TACR3: variants seen among roughly 807,000 people sequenced by gnomAD.
TACR3 encodes the protein neuromedin-K receptor.
Under a neutral mutation model 35.0 loss-of-function variants are expected in TACR3, and 34 were observed. The observed-to-expected ratio is 0.97, with a 90% CI of 0.74 to 1.30. TACR3 has a LOEUF of 1.30. TACR3 is among the 50% of genes most tolerant of loss of function. The pLI is 0.00. For synonymous variants in TACR3, 233 were observed against 221.1 expected (o/e 1.05, Z -0.48); for missense variants, 558 against 591.7 (o/e 0.94, Z 0.59).
At chr4:103,703,844 T>A (rs1722720931) in intron 1 of TACR3, among the ~76,000 whole-genome samples, 1 of 151,936 alleles carries the variant, frequency 6.6e-6, no homozygotes, top group Non-Finnish European at 1.5e-5. Context: ...CTCACGCCTG[T>A]AATCCCAGCA....
At chr4:103,638,074 A>G (rs911730070) in intron 3 of TACR3, among the ~76,000 whole-genome samples, 1 of 152,220 alleles carries the variant, frequency 6.6e-6, no homozygotes, top group Non-Finnish European at 1.5e-5. Context: ...TTCTTCACAG[A>G]ATTGGAAAAA....
rs1337612543 is a variant in TACR3, at chr4:103,650,534, T to TATAAATATATAAAATAAATTTAATAAA, written c.888+5633_888+5659dup. On this transcript the variant is annotated intron_variant, in intron 3 of 4. Transcript: ENST00000304883. ...TATATATAAATATGTATTATTTATA[T>TATAAATATATAAAATAAATTTAATAAA]ATAAATATATAAAATAAATTTAATA... Among the ~76,000 whole-genome samples the TATAAATATATAAAATAAATTTAATAAA allele has an allele frequency of 9.7e-4, 124 of 127,674 alleles. 1 individual carries two copies. The highest frequency in any genetic ancestry group is 1.6e-3 in the Non-Finnish European group (99 of 62,918). 83.8% of individuals were successfully genotyped at this position (127,674 alleles called of 152,430 possible). A position where few individuals can be genotyped will look rare whatever the true frequency, so the allele number is the denominator to read the frequency against.
At chr4:103,643,005 A>G (rs1483936697) in intron 3 of TACR3, among the ~76,000 whole-genome samples, 1 of 151,836 alleles carries the variant, frequency 6.6e-6, no homozygotes, top group African/African-American at 2.4e-5. Flanking sequence ...GTTAAAATTA[A>G]TGGCACTTTC....
chr4:103,675,864 G>A (rs1290988227), intron 1 of TACR3, among the ~76,000 whole-genome samples: 5 of 152,054 alleles, frequency 3.3e-5, no homozygotes, highest in Non-Finnish European at 4.4e-5. Flanking sequence ...GAGGGGAGGG[G>A]GCAGAGAAAA....
chr4:103,694,667 TTATAA>T (rs1185080036), intron 1 of TACR3, among the ~76,000 whole-genome samples: 2 of 152,198 alleles, frequency 1.3e-5, no homozygotes, highest in Non-Finnish European at 2.9e-5. Context: ...TTGCTTTTGA[TTATAA>T]TATATGAAAG....
intron 1 of TACR3, among the ~76,000 whole-genome samples, chr4:103,717,204 T>C (rs1219764171): frequency 6.6e-6 from 1 of 152,128 alleles, no homozygotes; most frequent in East Asian, 1.9e-4. Flanking sequence ...AAAACTATTT[T>C]AAACAAGATT....
rs1004930872 is a variant in TACR3 at position 103,666,494 on chromosome 4, A to T, written c.549-8091T>A. The stretch of plus-strand genomic sequence containing the variant: ...CATTAATATATTGATTATAAATATA[A>T]ATTTTCTATTTTAACAATAAAAGTA... On this transcript the variant is annotated intron_variant, in intron 1 of 4. Coordinates refer to ENST00000304883, the MANE Select transcript of TACR3 (RefSeq NM_001059.3). Among the ~76,000 whole-genome samples the T allele has an allele frequency of 2.6e-5, 4 of 152,174 alleles. No individual in the cohort carries two copies. The East Asian group carries it at 7.7e-4, about 29-fold the overall frequency.
At chr4:103,682,433 A>T (rs1722120653) in intron 1 of TACR3, among the ~76,000 whole-genome samples, 1 of 152,152 alleles carries the variant, frequency 6.6e-6, no homozygotes, top group African/African-American at 2.4e-5. Context: ...GCAGCAGGCA[A>T]GAGAGACTGA....
At chr4:103,598,457 C>A (rs1055516453) in intron 3 of TACR3, among the ~76,000 whole-genome samples, 3 of 152,156 alleles carry the variant, frequency 2.0e-5, no homozygotes, top group South Asian at 2.1e-4. Flanking sequence ...CTTTAGATTA[C>A]TTAGATCCCA....
chr4:103,635,724 A>C (rs1725172769), intron 3 of TACR3, among the ~76,000 whole-genome samples: 1 of 152,028 alleles, frequency 6.6e-6, no homozygotes, highest in Non-Finnish European at 1.5e-5. Context: ...TGTTGAGTAA[A>C]TATTTGATGA....
chr4:103,589,498 G>A lies in TACR3; in HGVS notation c.*184C>T, dbSNP rs947719421. 2.1e-5 allele frequency: 13 copies of A among 618,412 alleles called. No homozygotes were observed. Among genetic ancestry groups the A allele is most frequent in the Non-Finnish European group, 3.6e-5 (13 of 361,100 alleles). 38.3% of individuals were successfully genotyped at this position (618,412 alleles called of 1,614,324 possible). A position where few individuals can be genotyped will look rare whatever the true frequency, so the allele number is the denominator to read the frequency against. On this transcript the variant is annotated 3_prime_UTR_variant, in exon 5 of 5. Coordinates refer to ENST00000304883, the MANE Select transcript of TACR3 (RefSeq NM_001059.3). ...TAAAGCCCATTTTATTTTGGGTGGAGGCTAACATGTTATTAGTGTCTTTGT... is the reference window on the plus strand; with the variant it reads ...TAAAGCCCATTTTATTTTGGGTGGAAGCTAACATGTTATTAGTGTCTTTGT...
At chr4:103,614,884 G>GTTTGT (rs1724601485) in intron 3 of TACR3, among the ~76,000 whole-genome samples, 6 of 72,060 alleles carry the variant, frequency 8.3e-5, no homozygotes, top group African/African-American at 3.6e-4. Flanking sequence ...TTATGAATGT[G>GTTTGT]TTTTTTTTTT....
At chr4:103,604,995 A>G (rs1235265743) in intron 3 of TACR3, among the ~76,000 whole-genome samples, 6 of 117,438 alleles carry the variant, frequency 5.1e-5, no homozygotes, top group Admixed American at 9.8e-5. Context: ...CCCACCCCAC[A>G]ACAGTCCCCA....
rs77772000 is a variant in TACR3, at chr4:103,608,169, C to T, written c.889-16486G>A. 6.0e-3 allele frequency among the ~76,000 whole-genome samples: 911 copies of T among 152,014 alleles called. 11 individuals are homozygous for T. The highest frequency in any genetic ancestry group is 0.02 in the African/African-American group (822 of 41,472). On this transcript the variant is annotated intron_variant, in intron 3 of 4. Transcript: ENST00000304883. Reference sequence around the variant, plus strand: ...GCATGGGATTAACCTAGGTGCTCATCGATAATAGATTGGATAAAGAAAATG... The same window carrying T: ...GCATGGGATTAACCTAGGTGCTCATTGATAATAGATTGGATAAAGAAAATG...
intron 1 of TACR3, among the ~76,000 whole-genome samples, chr4:103,713,824 T>C (rs562401502): frequency 6.6e-6 from 1 of 152,064 alleles, no homozygotes; most frequent in African/African-American, 2.4e-5. Context: ...GATTCAGAAA[T>C]ACAGCCAAAG....
intron 1 of TACR3, among the ~76,000 whole-genome samples, chr4:103,667,336 G>A (rs911650411): frequency 1.3e-5 from 2 of 152,008 alleles, no homozygotes; most frequent in Non-Finnish European, 2.9e-5. Flanking sequence ...GTACTGAAGA[G>A]GATAGGGTAA....
In TACR3 at chr4:103,644,856, T is replaced by C. The variant is rs562054617; in HGVS notation, c.888+11338A>G. 4.6e-5 allele frequency among the ~76,000 whole-genome samples: 7 copies of C among 151,858 alleles called. No individual in the cohort carries two copies. The East Asian group carries it at 1.2e-3, about 25-fold the overall frequency. The stretch of plus-strand genomic sequence containing the variant: ...TTAAGGAAAGATGCATGGAAATAAG[T>C]GGAAATGTGTCCTGAAAATGTGGAA... On this transcript the variant is annotated intron_variant, in intron 3 of 4. Transcript: ENST00000304883.
rs1469184036 is a variant in TACR3 at position 103,719,903 on chromosome 4, A to G, written c.-228T>C. The G allele has an allele frequency of 5.0e-6, 3 of 603,316 alleles. No individual in the cohort carries two copies. The African/African-American group carries it at 5.6e-5, about 11-fold the overall frequency. The allele number at this position is 603,316 out of a possible 1,614,324, so 37.4% of individuals were successfully genotyped here. A position where few individuals can be genotyped will look rare whatever the true frequency, so the allele number is the denominator to read the frequency against. ...CTTGCGGCTCTGGCAGGCAGAAAGA[A>G]TGAGATCCTCCCGAGATTAAGGGTT... On this transcript the variant is annotated 5_prime_UTR_variant, in exon 1 of 5. Coordinates refer to ENST00000304883, the MANE Select transcript of TACR3 (RefSeq NM_001059.3).
At chr4:103,611,550 G>A (rs1174264236) in intron 3 of TACR3, among the ~76,000 whole-genome samples, 1 of 152,132 alleles carries the variant, frequency 6.6e-6, no homozygotes, top group Admixed American at 6.5e-5. Flanking sequence ...AAGGCTCTGT[G>A]CCACATGCAT....
Sources: gnomAD v4.1 joint callset for allele counts (sites outside exome capture counted in the v4.1 genomes callset) on GRCh38, gnomAD v4.1.1 for gene constraint, MANE v1.5 for transcripts, NCBI Gene and HGNC (gene_info 2026-07-23, HGNC 2026-07-21) for gene names.